PRR16: variants seen among roughly 807,000 people sequenced by gnomAD.
PRR16 encodes proline rich 16.
In PRR16, 6 loss-of-function variants were observed where a neutral mutation model predicts 18.2. The ratio of observed to expected loss-of-function variants is 0.33; its 90% CI spans 0.18 to 0.65. The LOEUF (loss-of-function observed/expected upper bound fraction) is 0.65. Among genes scored for constraint, PRR16 ranks in the 30% least tolerant of loss-of-function variants. PRR16 has a pLI of 0.74. For synonymous variants in PRR16, 151 were observed against 147.8 expected, an observed-to-expected ratio of 1.02 and a Z score of -0.16; for missense variants, 412 against 376.6, an observed-to-expected ratio of 1.09 and a Z score of -0.78.
intron 1 of PRR16, among the ~76,000 whole-genome samples, chr5:120,470,280 T>C (rs993170655): frequency 6.6e-6 from 1 of 152,044 alleles, no homozygotes; most frequent in Admixed American, 6.6e-5. Flanking sequence ...AAGGGCACTA[T>C]TAAAAAAATC....
chr5:120,765,623 T>C, the PRR16 span, among the ~76,000 whole-genome samples: 30 of 152,184 alleles, frequency 2.0e-4, no homozygotes, highest in African/African-American at 7.2e-4. Context: ...AAAACCTTTA[T>C]TGAATTGCAA....
downstream of PRR16, among the ~76,000 whole-genome samples, chr5:120,688,245 C>T (rs566794472): frequency 6.6e-5 from 10 of 152,088 alleles, no homozygotes; most frequent in South Asian, 2.1e-3. Flanking sequence ...AGAAAATAGG[C>T]CTTATTTTTT....
At chr5:120,565,783 C>T (rs1192532923) in intron 1 of PRR16, among the ~76,000 whole-genome samples, 1 of 152,190 alleles carries the variant, frequency 6.6e-6, no homozygotes, top group Non-Finnish European at 1.5e-5. Flanking sequence ...ATGAATACCA[C>T]TGAAATATCA....
chr5:120,566,118 A>C (rs1232265481), intron 1 of PRR16, among the ~76,000 whole-genome samples: 7 of 152,286 alleles, frequency 4.6e-5, no homozygotes, highest in Non-Finnish European at 1.0e-4. Context: ...TTTCTCATGA[A>C]TAGATTAATG....
At chr5:120,484,015 T>A (rs928362832) in intron 1 of PRR16, among the ~76,000 whole-genome samples, 5 of 152,052 alleles carry the variant, frequency 3.3e-5, no homozygotes, top group African/African-American at 1.2e-4. Context: ...ACAAGTCTTC[T>A]TTCCTTCTAA....
At chr5:120,583,418 A>G (rs1006068206) in intron 1 of PRR16, among the ~76,000 whole-genome samples, 2 of 152,140 alleles carry the variant, frequency 1.3e-5, no homozygotes, top group Admixed American at 6.6e-5. Context: ...CTAGAAAACC[A>G]GGTAGAAAAC....
At chr5:120,714,907 A>G in the PRR16 span, among the ~76,000 whole-genome samples, 3 of 152,086 alleles carry the variant, frequency 2.0e-5, no homozygotes, top group East Asian at 5.8e-4. Flanking sequence ...CAAACACTAC[A>G]TGTTCTTACT....
intron 1 of PRR16, among the ~76,000 whole-genome samples, chr5:120,570,454 C>T (rs1752871289): frequency 1.3e-5 from 2 of 152,072 alleles, no homozygotes; most frequent in Non-Finnish European, 2.9e-5. Context: ...AATGTAGGGA[C>T]CTACGAAGCT....
At chr5:120,542,566 C>A (rs1751948766) in intron 1 of PRR16, among the ~76,000 whole-genome samples, 1 of 152,090 alleles carries the variant, frequency 6.6e-6, no homozygotes, top group African/African-American at 2.4e-5. Flanking sequence ...AACCAAGATA[C>A]CACCTCTCAT....
chr5:120,475,409 T>C (rs1749408807), intron 1 of PRR16, among the ~76,000 whole-genome samples: 1 of 152,180 alleles, frequency 6.6e-6, no homozygotes, highest in Admixed American at 6.6e-5. Flanking sequence ...TCTGTCTTAC[T>C]TTTTTTCTTC....
At chr5:120,743,403 G>A in the PRR16 span, among the ~76,000 whole-genome samples, 48 of 151,994 alleles carry the variant, frequency 3.2e-4, no homozygotes, top group African/African-American at 1.1e-3. Context: ...GTTTGAAGGT[G>A]TGGGCTGTAG....
At chr5:120,595,849 T>C (rs1271039886) in intron 1 of PRR16, among the ~76,000 whole-genome samples, 2 of 151,998 alleles carry the variant, frequency 1.3e-5, no homozygotes, top group Non-Finnish European at 2.9e-5. Context: ...AGTAGTCTTA[T>C]TTAGAAAAAT....
chr5:120,608,930 AG>A (rs1434771825), intron 1 of PRR16, among the ~76,000 whole-genome samples: 2 of 152,282 alleles, frequency 1.3e-5, no homozygotes, highest in Admixed American at 1.3e-4. Flanking sequence ...AGAATCAGAA[AG>A]GTGTCCCAAA....
the PRR16 span, among the ~76,000 whole-genome samples, chr5:120,771,703 C>T: frequency 9.9e-5 from 15 of 151,978 alleles, no homozygotes; most frequent in Non-Finnish European, 7.4e-5. Context: ...CAGAGTGCTC[C>T]AGTCTGAAGG....
intron 1 of PRR16, among the ~76,000 whole-genome samples, chr5:120,565,014 G>A (rs1053134790): frequency 3.3e-5 from 5 of 151,258 alleles, no homozygotes; most frequent in Admixed American, 3.3e-4. Flanking sequence ...AAAAAATAGA[G>A]GTACTGTGAT....
chr5:120,555,333 T>G (rs1383740414), intron 1 of PRR16, among the ~76,000 whole-genome samples: 3 of 152,040 alleles, frequency 2.0e-5, no homozygotes, highest in African/African-American at 7.2e-5. Flanking sequence ...ACCTGTCAGC[T>G]TAGGCTGCCA....
chr5:120,742,170 C>T, the PRR16 span, among the ~76,000 whole-genome samples: 2 of 151,512 alleles, frequency 1.3e-5, no homozygotes, highest in Non-Finnish European at 2.9e-5. Context: ...GGTTTTGAAG[C>T]CTATAAATAA....
chr5:120,782,820 C>T, the PRR16 span, among the ~76,000 whole-genome samples: 1 of 152,146 alleles, frequency 6.6e-6, no homozygotes, highest in Non-Finnish European at 1.5e-5. Context: ...ATGTATATAA[C>T]TGTCTGAACC....
At chr5:120,520,642 T>C (rs915629579) in intron 1 of PRR16, among the ~76,000 whole-genome samples, 2 of 152,144 alleles carry the variant, frequency 1.3e-5, no homozygotes, top group African/African-American at 4.8e-5. Context: ...TCTTTTTTGG[T>C]TTGGGTGAAG....
Sources: allele counts gnomAD v4.1 joint callset (sites outside exome capture counted in the v4.1 genomes callset), GRCh38; gene constraint gnomAD v4.1.1; transcripts MANE v1.5; gene names NCBI Gene and HGNC (gene_info 2026-07-23, HGNC 2026-07-21).